The following HEXD variants were observed in gnomAD, a reference collection of about 807,000 sequenced individuals.
HEXD encodes the protein hexosaminidase D, also known as N-acetyl-beta-galactosaminidase.
In HEXD, 47 loss-of-function variants were observed where a neutral mutation model predicts 54.2. That is an observed-to-expected ratio of 0.87 (90% CI 0.69 to 1.11). HEXD has a LOEUF of 1.11. Among genes scored for constraint, HEXD ranks in the 50% least tolerant of loss-of-function variants. HEXD has a pLI of 0.00. For synonymous variants in HEXD, 293 were observed against 287.6 expected, an observed-to-expected ratio of 1.02 and a Z score of -0.19; for missense variants, 576 against 649.2, an observed-to-expected ratio of 0.89 and a Z score of 1.23.
In HEXD at chr17:82,441,033, A is replaced by G; in HGVS notation, c.1019A>G (p.Asn340Ser). The change falls in exon 10 of 13, where the codon AAC (asparagine) becomes AGC (serine). Residue 340 changes from asparagine to serine, a missense_variant. By Grantham distance (46) the Asn-to-Ser change is conservative (BLOSUM62 1). Transcript: ENST00000327949. The part of the protein sequence containing the change: ...FDEDVKAKVE[N>S]LLGISSLEKT... ...GAAGATGTTAAAGCGAAAGTGGAGA[A>G]CCTTCTCGGGATTTCCAGCCTGGAA... 6.2e-7 allele frequency: 1 copy of G among 1,613,444 alleles called. No individual in the cohort carries two copies. Among genetic ancestry groups the G allele is most frequent in the Non-Finnish European group, 8.5e-7 (1 of 1,179,938 alleles).
At chr17:82,436,859 G>T (rs1448272928) in intron 7 of HEXD, 121 bp downstream of exon 7, 1 of 914,226 alleles carries the variant, frequency 1.1e-6, no homozygotes, top group Non-Finnish European at 1.7e-6. Context: ...AGAGGCCAGG[G>T]CACAGCCCCA....
intron 6 of HEXD, 95 bp downstream of exon 6, chr17:82,435,967 G>A (rs2053749987): frequency 7.7e-7 from 1 of 1,298,294 alleles, no homozygotes. Context: ...TGGGCCCCAG[G>A]GTGAGCCCCA....
intron 8 of HEXD, among the ~76,000 whole-genome samples, chr17:82,439,106 C>T (rs984011636): frequency 5.9e-5 from 9 of 152,364 alleles, no homozygotes; most frequent in African/African-American, 2.2e-4. Flanking sequence ...CCCCAGCCCT[C>T]GCTTGGGACA....
At chr17:82,440,143 T>C (rs1202630906) in intron 9 of HEXD, 1 of 1,292,570 alleles carries the variant, frequency 7.7e-7, no homozygotes, top group African/African-American at 1.5e-5. Flanking sequence ...GCGGGACCCA[T>C]GGGCAGGGGC....
chr17:82,442,183 G>A lies in HEXD; in HGVS notation c.1260G>A (p.Leu420=). ...QHIQPAALSL[L]AQWSTLVQEL... is the part of the protein sequence containing the mutation. ...ATGGCGCCCTCACCTGCAGCCTCCT[G>A]GCACAGTGGAGCACCCTCGTGCAGG... Residue 420 remains leucine, a synonymous_variant, in exon 13 of 13, where the codon CTG becomes CTA. Coordinates refer to ENST00000327949, the MANE Select transcript of HEXD (RefSeq NM_001330542.2). This position sits in a 1 kb window ranked among gnomAD's most constrained non-coding sequence, Gnocchi z 6.8. 1.9e-6 allele frequency: 3 copies of A among 1,598,438 alleles called. No individual in the cohort carries two copies. Among genetic ancestry groups the A allele is most frequent in the Non-Finnish European group, 2.6e-6 (3 of 1,176,280 alleles).
chr17:82,439,437 G>A, intron 8 of HEXD, 194 bp from the exon 9 acceptor site: 1 of 985,414 alleles, frequency 1.0e-6, no homozygotes, highest in East Asian at 1.1e-4. Context: ...CTAGAACGGA[G>A]TTGACATGAG....
Position 82,440,049 on chromosome 17 carries a change from C to G in HEXD, c.982+336C>G, listed in dbSNP as rs1303309490. On this transcript the variant is annotated intron_variant, in intron 9 of 12. Coordinates refer to ENST00000327949, the MANE Select transcript of HEXD (RefSeq NM_001330542.2). ...CACACGTCCTGCCCACCTGGCCGAG[C>G]AGGTGTGGGGCTCAGGCGCCCGGCC... The G allele has an allele frequency of 3.8e-6, 5 of 1,311,622 alleles. No homozygotes were observed. The East Asian group carries it at 2.3e-4, about 61-fold the overall frequency. 81.2% of individuals were successfully genotyped at this position (1,311,622 alleles called of 1,614,324 possible).
rs1013149060 is a variant in HEXD, at chr17:82,439,368, C to T, written c.900-263C>T. Reference sequence around the variant, plus strand: ...ACCCACCCAAGGTCCACCCAGAATTCCCATGGCTCCGGAGAGCATTGCAGC... The same window carrying T: ...ACCCACCCAAGGTCCACCCAGAATTTCCATGGCTCCGGAGAGCATTGCAGC... On this transcript the variant is annotated intron_variant, in intron 8 of 12. Coordinates refer to ENST00000327949, the MANE Select transcript of HEXD (RefSeq NM_001330542.2). 14 of 939,288 alleles carry T rather than the reference C, an allele frequency of 1.5e-5. No individual in the cohort carries two copies. In the Middle Eastern group the frequency reaches 2.2e-3, roughly 145 times the overall value. 58.2% of individuals were successfully genotyped at this position (939,288 alleles called of 1,614,324 possible). A position where few individuals can be genotyped will look rare whatever the true frequency, so the allele number is the denominator to read the frequency against.
chr17:82,435,635 T>TCCCACCGGTGTGCCCC (rs2053738364), intron 5 of HEXD, 54 bp from the exon 6 acceptor site: 1 of 1,553,460 alleles, frequency 6.4e-7, no homozygotes, highest in Non-Finnish European at 8.8e-7. Context: ...CCCCGGACCC[T>TCCCACCGGTGTGCCCC]CCCACCGGTG....
Position 82,434,168 on chromosome 17 carries a change from G to A in HEXD, c.447+346G>A, listed in dbSNP as rs1381353916. 6.6e-6 allele frequency among the ~76,000 whole-genome samples: 1 copy of A among 152,212 alleles called. No individual in the cohort carries two copies. Among genetic ancestry groups the A allele is most frequent in the Non-Finnish European group, 1.5e-5 (1 of 68,026 alleles). ...GCCTGTGGGTGATGGGCAGGTTCACGCCCCAGGACCAGCAGTGAGCATAAG... is the reference window on the plus strand; with the variant it reads ...GCCTGTGGGTGATGGGCAGGTTCACACCCCAGGACCAGCAGTGAGCATAAG... On this transcript the variant is annotated intron_variant, in intron 5 of 12. Coordinates refer to ENST00000327949, the MANE Select transcript of HEXD (RefSeq NM_001330542.2). This position sits in a 1 kb window ranked among gnomAD's most constrained non-coding sequence, Gnocchi z 4.5.
intron 11 of HEXD, among the ~76,000 whole-genome samples, 165 bp downstream of exon 11, chr17:82,441,431 G>A (rs2053960597): frequency 6.7e-6 from 1 of 149,272 alleles, no homozygotes; most frequent in African/African-American, 2.5e-5. Flanking sequence ...TGGGTGGGAG[G>A]CAGGTGCAGG....
At chr17:82,421,120 G>A (rs1465171876) in intron 2 of HEXD, among the ~76,000 whole-genome samples, 1 of 152,202 alleles carries the variant, frequency 6.6e-6, no homozygotes, top group African/African-American at 2.4e-5. Context: ...CCCATAGCGA[G>A]AAGTGGGGCA....
At chr17:82,433,986 G>A (rs1368051906) in intron 5 of HEXD, among the ~76,000 whole-genome samples, 164 bp downstream of exon 5, 3 of 152,122 alleles carry the variant, frequency 2.0e-5, no homozygotes, top group East Asian at 3.9e-4. Context: ...GGCCTGGCAC[G>A]GGACAGCCTG....
chr17:82,441,814 G>C lies in HEXD; in HGVS notation c.1178G>C (p.Trp393Ser). 1 of 1,613,060 alleles carries C rather than the reference G, an allele frequency of 6.2e-7. No homozygotes were observed. Among genetic ancestry groups the C allele is most frequent in the Middle Eastern group, 1.6e-4 (1 of 6,062 alleles). Reference sequence around the variant, plus strand: ...ATTTGCCCCAGGTATGTCACTGGCTGGTTCAGCCCCTACCACCGCCAGCGG... The same window carrying C: ...ATTTGCCCCAGGTATGTCACTGGCTCGTTCAGCCCCTACCACCGCCAGCGG... Reference protein sequence around the residue: ...LLEGNRYVTGWFSPYHRQRKL... With the variant: ...LLEGNRYVTGSFSPYHRQRKL... The change falls in exon 12 of 13, where the codon TGG (tryptophan) becomes TCG (serine). Residue 393 changes from tryptophan to serine, a missense_variant. Coordinates refer to ENST00000327949, the MANE Select transcript of HEXD (RefSeq NM_001330542.2).
intron 1 of HEXD, among the ~76,000 whole-genome samples, chr17:82,419,152 C>T (rs2053156357): frequency 6.6e-6 from 1 of 152,182 alleles, no homozygotes; most frequent in Non-Finnish European, 1.5e-5. Flanking sequence ...CCAGCTGCTT[C>T]GTTATCCCTT....
At chr17:82,428,836 G>A (rs967442143) in intron 4 of HEXD, among the ~76,000 whole-genome samples, 191 bp downstream of exon 4, 1 of 152,194 alleles carries the variant, frequency 6.6e-6, no homozygotes, top group Non-Finnish European at 1.5e-5. Context: ...TGCAGGTTGG[G>A]GCTGCCTGTC....
chr17:82,439,819 G>T, intron 9 of HEXD, 106 bp downstream of exon 9: 1 of 1,588,150 alleles, frequency 6.3e-7, no homozygotes, highest in South Asian at 1.1e-5. Context: ...GGACTGTGGT[G>T]GTCCTCACAG....
rs758321746 is a variant in HEXD, at chr17:82,439,753, C to T, written c.982+40C>T. 7 of 1,598,492 alleles carry T rather than the reference C, an allele frequency of 4.4e-6. No homozygotes were observed. In the South Asian group the frequency reaches 7.7e-5, roughly 18 times the overall value. On this transcript the variant is annotated intron_variant, in intron 9 of 12. Transcript: ENST00000327949. ...GCCACCCCAAGCCCCACCGGCCCCT[C>T]CCCGAAAGACCCGGAGGGCAGGAGG...
intron 4 of HEXD, among the ~76,000 whole-genome samples, chr17:82,429,521 T>C (rs11867487): frequency 0.02 from 3,071 of 152,218 alleles, 116 homozygotes; most frequent in African/African-American, 0.071. Context: ...CATCGTACTC[T>C]GCTCTGGGAC....
Sources: gnomAD v4.1 joint callset for allele counts (sites outside exome capture counted in the v4.1 genomes callset) on GRCh38, gnomAD v4.1.1 for gene constraint, Gnocchi (gnomAD v3.1) non-coding constraint, MANE v1.5 for transcripts, NCBI Gene and HGNC (gene_info 2026-07-23, HGNC 2026-07-21) for gene names.